EIF4G3: variants seen among roughly 807,000 people sequenced by gnomAD.
EIF4G3 encodes eIF-4-gamma 3.
Under a neutral mutation model 186.4 loss-of-function variants are expected in EIF4G3, and 34 were observed. The observed-to-expected ratio is 0.18, with a 90% CI of 0.14 to 0.24. The LOEUF (loss-of-function observed/expected upper bound fraction) is 0.24, where lower values mean the gene tolerates loss of function less well. Ranked by LOEUF, EIF4G3 falls within the 10% of genes least tolerant of loss-of-function variation. EIF4G3 has a pLI of 1.00. For synonymous variants in EIF4G3, 673 were observed against 679.5 expected, an observed-to-expected ratio of 0.99 and a Z score of 0.15; for missense variants, 1,536 against 1,948.5, an observed-to-expected ratio of 0.79 and a Z score of 3.99.
At chr1:21,171,263 G>A (rs1010919031) in intron 2 of EIF4G3, among the ~76,000 whole-genome samples, 9 of 152,190 alleles carry the variant, frequency 5.9e-5, no homozygotes, top group African/African-American at 2.2e-4. Context: ...TTAGCTCAAA[G>A]TATTATTCCT....
At chr1:21,080,700 G>A (rs1470158501) in intron 3 of EIF4G3, among the ~76,000 whole-genome samples, 1 of 152,012 alleles carries the variant, frequency 6.6e-6, no homozygotes, top group African/African-American at 2.4e-5. Context: ...AGTAGAGATA[G>A]GGTTTCACCA....
chr1:20,814,295 C>A (rs1041923673), intron 34 of EIF4G3, among the ~76,000 whole-genome samples: 4 of 152,110 alleles, frequency 2.6e-5, no homozygotes, highest in African/African-American at 9.7e-5. Flanking sequence ...CACATTCTTG[C>A]TAAAATTAAA....
intron 22 of EIF4G3, among the ~76,000 whole-genome samples, chr1:20,863,676 T>A (rs6697488): frequency 2.6e-5 from 4 of 151,062 alleles, no homozygotes; most frequent in African/African-American, 4.9e-5. Context: ...ACTCCTGACC[T>A]CAGGTGATCT....
chr1:20,846,957 T>C (rs1024155918), intron 29 of EIF4G3, among the ~76,000 whole-genome samples: 15 of 152,178 alleles, frequency 9.9e-5, no homozygotes, highest in Non-Finnish European at 2.9e-5. Context: ...TTAAAAACAA[T>C]AGCACCTAAT....
intron 2 of EIF4G3, among the ~76,000 whole-genome samples, chr1:21,164,350 G>A (rs1490519222): frequency 6.6e-6 from 1 of 152,134 alleles, no homozygotes. Context: ...GGATAGAAAT[G>A]GTCAAAGTTC....
At chr1:20,858,414 C>T (rs1241919729) in intron 24 of EIF4G3, among the ~76,000 whole-genome samples, 1 of 152,134 alleles carries the variant, frequency 6.6e-6, no homozygotes, top group Non-Finnish European at 1.5e-5. Flanking sequence ...TCTCTTTCCC[C>T]AGATTTCCAC....
chr1:20,878,243 G>A (rs1406082461), intron 20 of EIF4G3, among the ~76,000 whole-genome samples: 1 of 152,118 alleles, frequency 6.6e-6, no homozygotes, highest in African/African-American at 2.4e-5. Context: ...TCAGACTTGA[G>A]CCTGCTTAGA....
chr1:20,986,767 A>AAAAAAG (rs2079631159), intron 7 of EIF4G3, among the ~76,000 whole-genome samples: 1 of 144,136 alleles, frequency 6.9e-6, no homozygotes, highest in Non-Finnish European at 1.5e-5. Context: ...AAAAAAAAAA[A>AAAAAAG]AAAAGAAAAC....
chr1:21,044,603 T>C (rs959691395), intron 4 of EIF4G3, among the ~76,000 whole-genome samples: 1 of 151,440 alleles, frequency 6.6e-6, no homozygotes, highest in African/African-American at 2.4e-5. Flanking sequence ...AAAAAGCATA[T>C]GTAGTAAGGA....
intron 12 of EIF4G3, among the ~76,000 whole-genome samples, chr1:20,952,106 C>T (rs191026810): frequency 2.9e-4 from 44 of 152,052 alleles, no homozygotes; most frequent in Middle Eastern, 3.4e-3. Flanking sequence ...TTTTATAAGC[C>T]TCCAACAGTA....
At chr1:20,907,963 C>T (rs1168484440) in intron 14 of EIF4G3, among the ~76,000 whole-genome samples, 5 of 151,774 alleles carry the variant, frequency 3.3e-5, no homozygotes, top group Admixed American at 2.6e-4. Flanking sequence ...CCTGAGGAAT[C>T]GCCACACTGA....
intron 32 of EIF4G3, among the ~76,000 whole-genome samples, chr1:20,825,929 GAA>G: frequency 6.6e-6 from 1 of 152,322 alleles, no homozygotes; most frequent in South Asian, 2.1e-4. Context: ...TCTACCTGAA[GAA>G]AGTTACAGTG....
In EIF4G3 at chr1:21,010,472, G is replaced by C. The variant is rs115100587; in HGVS notation, c.-66-7664C>G. On this transcript the variant is annotated intron_variant, in intron 4 of 36. Transcript: ENST00000602326. ...AAAGAAAGAAAAAGAAAAGAAAAAA[G>C]AAAACATGTAACAAAATTTACTATC... 1.9e-3 allele frequency among the ~76,000 whole-genome samples: 278 copies of C among 147,572 alleles called. 1 individual carries two copies. The highest frequency in any genetic ancestry group is 6.5e-3 in the African/African-American group (260 of 39,960).
chr1:20,900,259 C>A (rs2089825406), intron 15 of EIF4G3, among the ~76,000 whole-genome samples: 1 of 152,104 alleles, frequency 6.6e-6, no homozygotes, highest in Non-Finnish European at 1.5e-5. Flanking sequence ...GAGTCCTAGT[C>A]AGAATCTAAA....
chr1:20,821,081 C>T (rs1473406645), intron 33 of EIF4G3, among the ~76,000 whole-genome samples: 1 of 152,194 alleles, frequency 6.6e-6, no homozygotes, highest in Non-Finnish European at 1.5e-5. Flanking sequence ...GCCATGGCCA[C>T]AGAGGTTTCT....
chr1:21,042,216 G>C (rs542999168), intron 4 of EIF4G3, among the ~76,000 whole-genome samples: 2 of 152,152 alleles, frequency 1.3e-5, no homozygotes, highest in Admixed American at 6.5e-5. Context: ...GAGCGCAAGT[G>C]AACTGCCCAC....
At position 21,116,246 on chromosome 1, in the gene EIF4G3, G is replaced by A. The variant is rs1455606310; in HGVS notation, c.-271-27033C>T. 3.3e-5 allele frequency among the ~76,000 whole-genome samples: 5 copies of A among 152,110 alleles called. No homozygotes were observed. The East Asian group carries it at 9.6e-4, about 29-fold the overall frequency. ...TATCTGAAATAAATTTTCACCATGT[G>A]TAATACATTATATTCCCTTCTTAGA... is the stretch of plus-strand genomic sequence containing the variant. On this transcript the variant is annotated intron_variant, in intron 2 of 36. Coordinates refer to ENST00000602326, the MANE Select transcript of EIF4G3 (RefSeq NM_001391906.1).
intron 17 of EIF4G3, 138 bp downstream of exon 17, chr1:20,895,229 CA>C (rs2087569539): frequency 1.9e-6 from 2 of 1,039,426 alleles, no homozygotes; most frequent in African/African-American, 3.2e-5. Context: ...TTTAGGGAAA[CA>C]AATTCTTAAA....
At chr1:20,841,144 G>A (rs1016517371) in intron 29 of EIF4G3, 116 bp from the exon 30 acceptor site, 3 of 1,004,048 alleles carry the variant, frequency 3.0e-6, no homozygotes, top group Non-Finnish European at 4.3e-6. Context: ...CCATGAACAG[G>A]ACAGTTTTCA....
Sources: gnomAD v4.1 joint callset for allele counts (sites outside exome capture counted in the v4.1 genomes callset) on GRCh38, gnomAD v4.1.1 for gene constraint, MANE v1.5 for transcripts, NCBI Gene and HGNC (gene_info 2026-07-23, HGNC 2026-07-21) for gene names.